CACNA1E: variants seen among roughly 807,000 people sequenced by gnomAD.
The protein encoded by CACNA1E is calcium voltage-gated channel subunit alpha1 E, also known as voltage-dependent R-type calcium channel subunit alpha-1E.
A neutral mutation model predicts 259.2 loss-of-function variants in CACNA1E; 40 were observed. The ratio of observed to expected loss-of-function variants is 0.15; its 90% CI spans 0.12 to 0.20. The LOEUF is 0.20. Among genes scored for constraint, CACNA1E ranks in the 10% least tolerant of loss-of-function variants. The pLI is 1.00. For missense variants in CACNA1E, 1,874 were observed against 3,040.1 expected (o/e 0.62, Z 9.02); for synonymous variants, 1,104 against 1,138.5 (o/e 0.97, Z 0.61).
At chr1:181,487,031 T>G (rs1353612118) in intron 1 of CACNA1E, among the ~76,000 whole-genome samples, 1 of 152,172 alleles carries the variant, frequency 6.6e-6, no homozygotes, top group Non-Finnish European at 1.5e-5. Context: ...AGATTTTTTT[T>G]TTTTTTTTTA....
intron 6 of CACNA1E, among the ~76,000 whole-genome samples, chr1:181,627,990 A>T (rs1656356139): frequency 6.6e-6 from 1 of 152,220 alleles, no homozygotes; most frequent in Non-Finnish European, 1.5e-5. Context: ...CTAGAGTTTT[A>T]AAAAATAGGA....
intron 1 of CACNA1E, among the ~76,000 whole-genome samples, chr1:181,373,240 A>C (rs552723704): frequency 6.6e-6 from 1 of 152,210 alleles, no homozygotes; most frequent in East Asian, 1.9e-4. Context: ...TTGTGGTAGA[A>C]TTTGGCTGTG....
intron 1 of CACNA1E, among the ~76,000 whole-genome samples, chr1:181,374,308 G>A (rs1177821354): frequency 1.3e-5 from 2 of 151,496 alleles, no homozygotes; most frequent in East Asian, 1.9e-4. Context: ...GTAATTGTAT[G>A]GTTTTGAGAG....
intron 2 of CACNA1E, among the ~76,000 whole-genome samples, chr1:181,452,455 G>A (rs1015585139): frequency 6.6e-6 from 1 of 152,166 alleles, no homozygotes; most frequent in Admixed American, 6.5e-5. Flanking sequence ...CCAGTGGTTT[G>A]CAAACTGTGT....
intron 6 of CACNA1E, among the ~76,000 whole-genome samples, chr1:181,632,370 C>T (rs1451895040): frequency 6.6e-6 from 1 of 152,048 alleles, no homozygotes; most frequent in Non-Finnish European, 1.5e-5. Context: ...CAAGTGCTGC[C>T]ACTGGCTCTC....
chr1:181,317,787 C>T (rs1315570221), exon 1 of CACNA1E: 1 of 152,218 alleles, frequency 6.6e-6, no homozygotes, highest in African/African-American at 2.4e-5. Flanking sequence ...AGTCCCTGGT[C>T]TGCCCTCTCG....
chr1:181,706,126 C>T (rs888293915), intron 7 of CACNA1E, among the ~76,000 whole-genome samples: 1 of 152,128 alleles, frequency 6.6e-6, no homozygotes, highest in African/African-American at 2.4e-5. Context: ...AATATGAACA[C>T]TCTTCTTCTA....
intron 2 of CACNA1E, among the ~76,000 whole-genome samples, chr1:181,464,743 A>C (rs1662049430): frequency 6.6e-6 from 1 of 151,966 alleles, no homozygotes; most frequent in African/African-American, 2.4e-5. Flanking sequence ...CAGTACTTCA[A>C]GTCCAATACT....
intron 3 of CACNA1E, among the ~76,000 whole-genome samples, chr1:181,535,732 G>A (rs796646476): frequency 2.6e-4 from 39 of 149,712 alleles, no homozygotes; most frequent in African/African-American, 9.6e-4. Flanking sequence ...CTGTTGCCCA[G>A]GCTGGAGTGC....
intron 7 of CACNA1E, among the ~76,000 whole-genome samples, chr1:181,672,010 A>G (rs1648853428): frequency 6.6e-6 from 1 of 152,260 alleles, no homozygotes; most frequent in African/African-American, 2.4e-5. Flanking sequence ...GACAGATTGG[A>G]TAAAGAAAAT....
upstream of CACNA1E, among the ~76,000 whole-genome samples, chr1:181,480,453 G>T (rs1663156926): frequency 6.6e-6 from 1 of 152,210 alleles, no homozygotes; most frequent in South Asian, 2.1e-4. Context: ...TCCTTGGAAG[G>T]CAAGAAGGCA....
At chr1:181,610,174 G>A (rs1654623286) in intron 6 of CACNA1E, among the ~76,000 whole-genome samples, 2 of 152,206 alleles carry the variant, frequency 1.3e-5, no homozygotes, top group Non-Finnish European at 2.9e-5. Context: ...AAAGCCTTTT[G>A]CCTCCAGTGT....
chr1:181,341,270 G>A (rs896019770), intron 1 of CACNA1E, among the ~76,000 whole-genome samples: 3 of 152,312 alleles, frequency 2.0e-5, no homozygotes, highest in South Asian at 2.1e-4. Context: ...CCCACAGCCC[G>A]GCTGGAAGAT....
At chr1:181,549,050 C>T (rs763233761) in intron 3 of CACNA1E, among the ~76,000 whole-genome samples, 1 of 152,152 alleles carries the variant, frequency 6.6e-6, no homozygotes, top group Non-Finnish European at 1.5e-5. Flanking sequence ...CATTCTTAAT[C>T]GATCCCAAGC....
chr1:181,402,286 A>G (rs994242373), intron 1 of CACNA1E, among the ~76,000 whole-genome samples: 1 of 152,220 alleles, frequency 6.6e-6, no homozygotes, highest in Admixed American at 6.5e-5. Context: ...GGCAACAGTT[A>G]GAGGGTGGTG....
chr1:181,581,819 G>C (rs1367606063), intron 6 of CACNA1E, among the ~76,000 whole-genome samples: 1 of 152,054 alleles, frequency 6.6e-6, no homozygotes, highest in Non-Finnish European at 1.5e-5. Context: ...GAATGATCAT[G>C]CCTCTTATGC....
intron 6 of CACNA1E, among the ~76,000 whole-genome samples, chr1:181,597,881 C>T (rs1448732140): frequency 6.6e-6 from 1 of 152,128 alleles, no homozygotes; most frequent in African/African-American, 2.4e-5. Flanking sequence ...CGAGAACAGC[C>T]CAGGAAAGAC....
intron 1 of CACNA1E, among the ~76,000 whole-genome samples, chr1:181,493,752 G>A (rs1664508869): frequency 6.6e-6 from 1 of 152,166 alleles, no homozygotes; most frequent in East Asian, 1.9e-4. Flanking sequence ...AGTTTAAATA[G>A]CCACATATGG....
intron 5 of CACNA1E, among the ~76,000 whole-genome samples, chr1:181,580,254 A>C (rs1651396101): frequency 6.6e-6 from 1 of 152,214 alleles, no homozygotes. Context: ...CTGAAGCCAG[A>C]AAACCTCACT....
Sources: gnomAD v4.1 joint callset for allele counts (sites outside exome capture counted in the v4.1 genomes callset) on GRCh38, gnomAD v4.1.1 for gene constraint, MANE v1.5 for transcripts, NCBI Gene and HGNC (gene_info 2026-07-23, HGNC 2026-07-21) for gene names.